The following CFAP299 variants were observed in gnomAD, a reference collection of about 807,000 sequenced individuals.
CFAP299 encodes the protein cilia- and flagella-associated protein 299.
Under a neutral mutation model 27.0 loss-of-function variants are expected in CFAP299, and 21 were observed. That is an observed-to-expected ratio of 0.78 (90% CI 0.55 to 1.12). The LOEUF is 1.12. CFAP299 is among the 50% of genes most tolerant of loss of function. The pLI, the probability that CFAP299 is intolerant of heterozygous loss-of-function variation, is 0.00. For synonymous variants in CFAP299, 104 were observed against 98.1 expected (o/e 1.06, Z -0.36); for missense variants, 310 against 276.6 (o/e 1.12, Z -0.86).
At chr4:80,561,858 A>G (rs1034739467) in intron 2 of CFAP299, among the ~76,000 whole-genome samples, 2 of 152,176 alleles carry the variant, frequency 1.3e-5, no homozygotes, top group Non-Finnish European at 2.9e-5. Flanking sequence ...AACACAGACT[A>G]TAACACTGTA....
intron 3 of CFAP299, among the ~76,000 whole-genome samples, chr4:80,627,138 A>G (rs1255515963): frequency 6.6e-6 from 1 of 151,962 alleles, no homozygotes; most frequent in Non-Finnish European, 1.5e-5. Flanking sequence ...CATTGAAAAT[A>G]TTATTCATCA....
At chr4:80,357,739 AG>A (rs1723343673) in intron 1 of CFAP299, among the ~76,000 whole-genome samples, 1 of 151,852 alleles carries the variant, frequency 6.6e-6, no homozygotes. Flanking sequence ...CTTCTTCATT[AG>A]TCTAGCTAGT....
intron 4 of CFAP299, among the ~76,000 whole-genome samples, chr4:80,880,142 G>A (rs563805128): frequency 1.3e-5 from 2 of 152,168 alleles, no homozygotes; most frequent in African/African-American, 4.8e-5. Context: ...GAAGCGGGGA[G>A]AAAGGGGGGG....
Position 80,870,709 on chromosome 4 carries a change from C to A in CFAP299, c.476+574C>A, listed in dbSNP as rs530020318. The A allele has an allele frequency of 5.1e-6, 5 of 985,458 alleles. No individual in the cohort carries two copies. In the African/African-American group the frequency reaches 8.7e-5, roughly 17 times the overall value. The allele number at this position is 985,458 out of a possible 1,614,324, so 61.0% of individuals were successfully genotyped here. On this transcript the variant is annotated intron_variant, in intron 4 of 5. Coordinates refer to ENST00000358105, the MANE Select transcript of CFAP299 (RefSeq NM_152770.3). ...CTTCTACTCCCTTCTAAATAGCATG[C>A]AAGCTAAAACTTTTTATTCCCTCTT...
intron 3 of CFAP299, among the ~76,000 whole-genome samples, chr4:80,671,706 T>C (rs1741494499): frequency 6.6e-6 from 1 of 152,222 alleles, no homozygotes. Context: ...GAAGAAGTCC[T>C]TCATATCCCT....
intron 2 of CFAP299, among the ~76,000 whole-genome samples, chr4:80,486,613 C>T (rs1730831656): frequency 6.6e-6 from 1 of 152,206 alleles, no homozygotes; most frequent in South Asian, 2.1e-4. Flanking sequence ...CCTTCTCTCA[C>T]CCCGTTAGGG....
chr4:80,466,053 A>G (rs774010021), intron 2 of CFAP299, among the ~76,000 whole-genome samples: 3 of 152,240 alleles, frequency 2.0e-5, no homozygotes, highest in Non-Finnish European at 4.4e-5. Flanking sequence ...AAGTGCAGCA[A>G]TTTCTAGGTT....
chr4:80,514,040 T>G (rs1462652663), intron 2 of CFAP299, among the ~76,000 whole-genome samples: 1 of 152,068 alleles, frequency 6.6e-6, no homozygotes, highest in East Asian at 1.9e-4. Flanking sequence ...AATTTACAGT[T>G]GAAAGCCTAT....
intron 5 of CFAP299, among the ~76,000 whole-genome samples, chr4:80,957,115 G>A (rs909385372): frequency 6.6e-6 from 1 of 152,080 alleles, no homozygotes; most frequent in African/African-American, 2.4e-5. Context: ...GTAGAATAAG[G>A]TTAGAATCTT....
At position 80,538,689 on chromosome 4, in the gene CFAP299, C is replaced by T. The variant is rs908658101; in HGVS notation, c.243-44404C>T. ...ACAGTAACATGCTGTAGAGGTTTGTCGCCTAGGAGAAACAGGCTATACCCT... is the reference window on the plus strand; with the variant it reads ...ACAGTAACATGCTGTAGAGGTTTGTTGCCTAGGAGAAACAGGCTATACCCT... On this transcript the variant is annotated intron_variant, in intron 2 of 5. Transcript: ENST00000358105. 1.4e-4 allele frequency among the ~76,000 whole-genome samples: 21 copies of T among 152,208 alleles called. 1 individual carries two copies. The South Asian group carries it at 1.7e-3, about 12-fold the overall frequency.
At chr4:80,871,047 CA>C in intron 4 of CFAP299, 2 of 416,894 alleles carry the variant, frequency 4.8e-6, no homozygotes, top group Middle Eastern at 1.2e-3. Flanking sequence ...GCTGGGACTA[CA>C]GGCACATACC....
intron 2 of CFAP299, among the ~76,000 whole-genome samples, chr4:80,411,662 T>C (rs1726728829): frequency 6.6e-6 from 1 of 152,140 alleles, no homozygotes; most frequent in Non-Finnish European, 1.5e-5. Flanking sequence ...TTTCACCATT[T>C]TTTTGTTATT....
intron 2 of CFAP299, among the ~76,000 whole-genome samples, chr4:80,542,057 ACT>A (rs985683220): frequency 6.6e-6 from 1 of 151,636 alleles, no homozygotes; most frequent in Non-Finnish European, 1.5e-5. Flanking sequence ...GAGTCTGCTC[ACT>A]CTCTCTAGTG....
chr4:80,826,840 A>C (rs1441030757), intron 3 of CFAP299, among the ~76,000 whole-genome samples: 1 of 151,896 alleles, frequency 6.6e-6, no homozygotes. Context: ...TAAAAGGTAG[A>C]TATCATACAA....
intron 3 of CFAP299, among the ~76,000 whole-genome samples, chr4:80,866,677 G>A (rs906116138): frequency 6.6e-5 from 10 of 152,070 alleles, no homozygotes; most frequent in African/African-American, 1.7e-4. Context: ...AGAGGGACCC[G>A]CACTTATAGT....
chr4:80,640,187 G>A (rs186516730), intron 3 of CFAP299, among the ~76,000 whole-genome samples: 1 of 152,248 alleles, frequency 6.6e-6, no homozygotes, highest in Non-Finnish European at 1.5e-5. Context: ...CATGTTGCTG[G>A]TGTGACTGCC....
rs1296316896 is a variant in CFAP299, at chr4:80,365,165, T to G, written c.242+2281T>G. 3.3e-5 allele frequency among the ~76,000 whole-genome samples: 5 copies of G among 152,186 alleles called. No homozygotes were observed. The East Asian group carries it at 9.6e-4, about 29-fold the overall frequency. On this transcript the variant is annotated intron_variant, in intron 2 of 5. Coordinates refer to ENST00000358105, the MANE Select transcript of CFAP299 (RefSeq NM_152770.3). ...CAAATGCTATTTCTGTCTCTAGGTC[T>G]TTGAAGAATTGGCAAACAATGGTTG...
At chr4:80,455,491 A>G (rs534930904) in intron 2 of CFAP299, among the ~76,000 whole-genome samples, 3 of 152,196 alleles carry the variant, frequency 2.0e-5, no homozygotes, top group Non-Finnish European at 4.4e-5. Context: ...ATTTTATTTG[A>G]TATTCTTAAA....
At chr4:80,764,753 AC>A (rs1725755373) in intron 3 of CFAP299, among the ~76,000 whole-genome samples, 1 of 152,212 alleles carries the variant, frequency 6.6e-6, no homozygotes, top group Non-Finnish European at 1.5e-5. Context: ...ACCATGGAAT[AC>A]TATGCAGCCA....
Sources: gnomAD v4.1 joint callset for allele counts (sites outside exome capture counted in the v4.1 genomes callset) on GRCh38, gnomAD v4.1.1 for gene constraint, MANE v1.5 for transcripts, NCBI Gene and HGNC (gene_info 2026-07-23, HGNC 2026-07-21) for gene names.